The following ROBO3 variants were observed in gnomAD, a reference collection of about 807,000 sequenced individuals.
The protein encoded by ROBO3 is roundabout guidance receptor 3, also known as roundabout homolog 3.
A neutral mutation model predicts 160.5 loss-of-function variants in ROBO3; 97 were observed. That is an observed-to-expected ratio of 0.60 (90% CI 0.51 to 0.72). The LOEUF is 0.72. Among genes scored for constraint, ROBO3 ranks in the 30% least tolerant of loss-of-function variants. The pLI is 0.00. For synonymous variants in ROBO3, 780 were observed against 746.2 expected (o/e 1.05, Z -0.74); for missense variants, 1,858 against 1,846.5 (o/e 1.01, Z -0.11).
intron 20 of ROBO3, 82 bp from the exon 21 acceptor site, chr11:124,877,855 G>A (rs1946435350): frequency 2.5e-6 from 3 of 1,214,646 alleles, no homozygotes; most frequent in South Asian, 1.3e-5. Flanking sequence ...AGTTGATCCC[G>A]TGGGATTTCC....
intron 1 of ROBO3, among the ~76,000 whole-genome samples, chr11:124,868,204 A>C (rs1311867209): frequency 6.6e-6 from 1 of 152,220 alleles, no homozygotes; most frequent in Non-Finnish European, 1.5e-5. Flanking sequence ...CCGGGGTGTC[A>C]GTAAGAAGGG....
chr11:124,868,625 C>G, intron 1 of ROBO3, 177 bp from the exon 2 acceptor site: 1 of 730,096 alleles, frequency 1.4e-6, no homozygotes, highest in Admixed American at 2.0e-5. Flanking sequence ...GAACGCGGAA[C>G]GTCTGCCAAT....
Position 124,865,622 on chromosome 11 carries a change from C to T in ROBO3, c.45C>T (p.Phe15=). The T allele has an allele frequency of 6.2e-7, 1 of 1,612,934 alleles. No homozygotes were observed. Among genetic ancestry groups the T allele is most frequent in the South Asian group, 1.1e-5 (1 of 90,872 alleles). ...AAACGCTGCTGCAGATGAACTTGTT[C>T]GCGGACTCTCTGGCCGGGGACATCT... ...LLKTLLQMNL[F]ADSLAGDISN... The change falls in exon 1 of 28, where the codon TTC becomes TTT. Residue 15 remains phenylalanine, a synonymous_variant. Coordinates refer to ENST00000397801, the MANE Select transcript of ROBO3 (RefSeq NM_022370.4). The surrounding 1 kb of genome is among the most constrained non-coding windows in gnomAD (Gnocchi z 5.5).
chr11:124,869,429 G>GGGC lies in ROBO3; in HGVS notation c.488-21_488-20insGGC. 7.7e-7 allele frequency: 1 copy of GGGC among 1,295,758 alleles called. No homozygotes were observed. The highest frequency in any genetic ancestry group is 1.1e-6 in the Non-Finnish European group (1 of 929,938). 80.3% of individuals were successfully genotyped at this position (1,295,758 alleles called of 1,614,324 possible). A position where few individuals can be genotyped will look rare whatever the true frequency, so the allele number is the denominator to read the frequency against. On this transcript the variant is annotated intron_variant, in intron 2 of 27. Transcript: ENST00000397801. This position sits in a 1 kb window ranked among gnomAD's most constrained non-coding sequence, Gnocchi z 4.2. Reference sequence around the variant, plus strand: ...TGTCACTCTACACCCTGCTTATTTCGCCCCCCACCGCCCCGCCCAGTCCTC... The same window carrying GGGC: ...TGTCACTCTACACCCTGCTTATTTCGGGCCCCCCCACCGCCCCGCCCAGTCCTC...
rs558554023 is a variant in ROBO3 at position 124,880,711 on chromosome 11, G to A, written c.4149+103G>A. ...GGTGGGCAAGGGCTTGTGGAGGAGT[G>A]TCAAAAGGAGGGGATCGAGAGGGTG... On this transcript the variant is annotated intron_variant, in intron 27 of 27. Transcript: ENST00000397801. 6.3e-4 allele frequency: 897 copies of A among 1,420,168 alleles called. 18 individuals carry two copies. In the South Asian group the frequency reaches 0.013, roughly 20 times the overall value. The allele number at this position is 1,420,168 out of a possible 1,614,324, so 88.0% of individuals were successfully genotyped here.
intron 1 of ROBO3, 167 bp from the exon 2 acceptor site, chr11:124,868,635 T>A (rs1378791734): frequency 1.3e-5 from 10 of 757,796 alleles, no homozygotes; most frequent in Non-Finnish European, 2.1e-5. Flanking sequence ...CGTCTGCCAA[T>A]AAGGACATAT....
rs996784724 is a variant in ROBO3 at position 124,876,829 on chromosome 11, C to T, written c.2780-332C>T. ...CCAGGATCCCAGGCAGTAAATTGTG[C>T]GGCGGGGTCTGGATGGAAAGGCGGG... is the stretch of plus-strand genomic sequence containing the variant. On this transcript the variant is annotated intron_variant, in intron 17 of 27. Transcript: ENST00000397801. The surrounding 1 kb of genome is among the most constrained non-coding windows in gnomAD (Gnocchi z 5.3). 3.7e-6 allele frequency: 2 copies of T among 537,926 alleles called. No individual in the cohort carries two copies. Among genetic ancestry groups the T allele is most frequent in the Non-Finnish European group, 6.6e-6 (2 of 302,514 alleles). The allele number at this position is 537,926 out of a possible 1,614,324, so 33.3% of individuals were successfully genotyped here. A position where few individuals can be genotyped will look rare whatever the true frequency, so the allele number is the denominator to read the frequency against.
chr11:124,870,496 G>A (rs1256367544), intron 5 of ROBO3, 105 bp from the exon 6 acceptor site: 3 of 1,556,154 alleles, frequency 1.9e-6, no homozygotes, highest in East Asian at 4.7e-5. Flanking sequence ...TGTCCCTGCT[G>A]GGTCCTGCCT....
In ROBO3 at chr11:124,872,162, C is replaced by T. The variant is rs531910657; in HGVS notation, c.1159-219C>T. Among the ~76,000 whole-genome samples, 3 of 152,336 alleles carry T rather than the reference C, an allele frequency of 2.0e-5. No individual in the cohort carries two copies. The highest frequency in any genetic ancestry group is 6.5e-5 in the Admixed American group (1 of 15,306). On this transcript the variant is annotated intron_variant, in intron 7 of 27. Coordinates refer to ENST00000397801, the MANE Select transcript of ROBO3 (RefSeq NM_022370.4). This position sits in a 1 kb window ranked among gnomAD's most constrained non-coding sequence, Gnocchi z 4.3. ...GTTCAGGGTTTCCCCACTAGTAAGT[C>T]ACGGAGCTGGGAAGTAGACTCTGAA... is the stretch of plus-strand genomic sequence containing the variant.
chr11:124,879,772 CAGCTCCCT>C lies in ROBO3; in HGVS notation c.3797-14_3797-7del. ...GAGTGGCAGGAGGCTCCGCTGAAAA[CAGCTCCCT>C]CCCCAGACTTGCCCCCACCACCCTT... On this transcript the variant is annotated splice_region_variant and splice_polypyrimidine_tract_variant and intron_variant, in intron 25 of 27. Transcript: ENST00000397801. 6.2e-7 allele frequency: 1 copy of C among 1,605,750 alleles called. No homozygotes were observed. Among genetic ancestry groups the C allele is most frequent in the Non-Finnish European group, 8.5e-7 (1 of 1,176,750 alleles).
In ROBO3 at chr11:124,881,298, G is replaced by A. The variant is rs1946577638; in HGVS notation, c.*48G>A. ...ATCATGAGTGCCACGGGGAAGGGGA[G>A]TAGGGATGTCTTTTCCCCCCCAGCA... On this transcript the variant is annotated 3_prime_UTR_variant, in exon 28 of 28. Transcript: ENST00000397801. 1 of 1,566,094 alleles carries A rather than the reference G, an allele frequency of 6.4e-7. No homozygotes were observed.
In ROBO3 at chr11:124,877,950, C is replaced by T. The variant is rs1211777449; in HGVS notation, c.3000C>T (p.Ser1000=). ...TCTTCTCTGCAGAAGCGGGAATCTC[C>T]CTGTATCTAGCTCAGACGGCCAGGG... ...DDRYYNEAGI[S]LYLAQTARGT... Residue 1000 remains serine, a synonymous_variant, in exon 21 of 28, where the codon TCC becomes TCT. Coordinates refer to ENST00000397801, the MANE Select transcript of ROBO3 (RefSeq NM_022370.4). 1 of 1,605,464 alleles carries T rather than the reference C, an allele frequency of 6.2e-7. No individual in the cohort carries two copies. The highest frequency in any genetic ancestry group is 1.3e-5 in the African/African-American group (1 of 74,880).
Position 124,874,097 on chromosome 11 carries a change from T to C in ROBO3, c.1812T>C (p.Thr604=). The C allele has an allele frequency of 6.2e-7, 1 of 1,614,006 alleles. No homozygotes were observed. Among genetic ancestry groups the C allele is most frequent in the Non-Finnish European group, 8.5e-7 (1 of 1,179,896 alleles). ...CAGCAGCTGGCAACACATGGCGTAC[T>C]GTGGCAGATGGCGTGCAGCTGGAGA... The part of the protein sequence containing the change: ...FSPAAGNTWR[T]VADGVQLETH... The change falls in exon 12 of 28, where the codon ACT becomes ACC. Residue 604 remains threonine (T), a synonymous_variant. Coordinates refer to ENST00000397801, the MANE Select transcript of ROBO3 (RefSeq NM_022370.4).
chr11:124,872,866 A>C lies in ROBO3; in HGVS notation c.1331-18A>C. The C allele has an allele frequency of 1.3e-6, 2 of 1,572,246 alleles. No homozygotes were observed. The highest frequency in any genetic ancestry group is 1.7e-6 in the Non-Finnish European group (2 of 1,159,630). On this transcript the variant is annotated intron_variant, in intron 8 of 27. Coordinates refer to ENST00000397801, the MANE Select transcript of ROBO3 (RefSeq NM_022370.4). This position sits in a 1 kb window ranked among gnomAD's most constrained non-coding sequence, Gnocchi z 4.3. Reference sequence around the variant, plus strand: ...CCTAAGCTCCTCCCCTGAGGTGCACACGTTCTTCCTCTCTCAGCCTCTTTG... The same window carrying C: ...CCTAAGCTCCTCCCCTGAGGTGCACCCGTTCTTCCTCTCTCAGCCTCTTTG...
In ROBO3 at chr11:124,879,820, A is replaced by C. The variant is rs764619560; in HGVS notation, c.3830A>C (p.Glu1277Ala). 2 of 1,613,854 alleles carry C rather than the reference A, an allele frequency of 1.2e-6. No individual in the cohort carries two copies. Among genetic ancestry groups the C allele is most frequent in the Non-Finnish European group, 1.7e-6 (2 of 1,179,842 alleles). The change falls in exon 26 of 28, where the codon GAA becomes GCA. Residue 1277 changes from glutamate (E) to alanine (A), a missense_variant. Glu to Ala is a moderately radical substitution (Grantham distance 107). Coordinates refer to ENST00000397801, the MANE Select transcript of ROBO3 (RefSeq NM_022370.4). ...LPPPPLPPPE[E>A]EASWALELRA... ...CCACCACCCTTGCCACCGCCAGAGGAAGAGGCGAGCTGGGCCCTAGAGCTG... is the reference window on the plus strand; with the variant it reads ...CCACCACCCTTGCCACCGCCAGAGGCAGAGGCGAGCTGGGCCCTAGAGCTG...
In ROBO3 at chr11:124,876,436, C is replaced by A. The variant is rs1946376092; in HGVS notation, c.2755C>A (p.Arg919Ser). The change falls in exon 17 of 28, where the codon CGC (arginine) becomes AGC (serine). Residue 919 changes from arginine to serine, a missense_variant. Physicochemically the swap from Arg to Ser is moderately radical, Grantham distance 110. Coordinates refer to ENST00000397801, the MANE Select transcript of ROBO3 (RefSeq NM_022370.4). The surrounding 1 kb of genome is among the most constrained non-coding windows in gnomAD (Gnocchi z 5.3). ...CAALYWRRKQRKELSHYTASF... is the reference protein window; with the variant it reads ...CAALYWRRKQSKELSHYTASF... ...CGCCCTCTACTGGCGCCGGAAACAG[C>A]GCAAAGAGCTCAGCCACTACACGGG... 4.2e-6 allele frequency: 6 copies of A among 1,444,286 alleles called. No homozygotes were observed. The highest frequency in any genetic ancestry group is 5.4e-6 in the Non-Finnish European group (6 of 1,104,474). The allele number at this position is 1,444,286 out of a possible 1,614,324, so 89.5% of individuals were successfully genotyped here.
rs754982896 is a variant in ROBO3 at position 124,877,623 on chromosome 11, C to A, written c.2951C>A (p.Pro984His). Residue 984 changes from proline to histidine, a missense_variant, in exon 20 of 28, where the codon CCT becomes CAT. Pro to His is a moderately conservative substitution (Grantham distance 77, BLOSUM62 -2). Coordinates refer to ENST00000397801, the MANE Select transcript of ROBO3 (RefSeq NM_022370.4). ...SAQEPRGSCCPSNPDPDDRYY... is the reference protein window; with the variant it reads ...SAQEPRGSCCHSNPDPDDRYY... ...CAGGAACCCAGGGGAAGCTGCTGCC[C>A]TAGCAATCCTGACCCGGACGACAGA... The A allele has an allele frequency of 1.9e-6, 3 of 1,610,474 alleles. No individual in the cohort carries two copies. In the African/African-American group the frequency reaches 4.0e-5, roughly 22 times the overall value.
rs1454517431 is a variant in ROBO3, at chr11:124,865,786, T to C, written c.160+49T>C. 6.5e-6 allele frequency: 10 copies of C among 1,540,584 alleles called. No homozygotes were observed. The South Asian group carries it at 1.2e-4, about 19-fold the overall frequency. On this transcript the variant is annotated intron_variant, in intron 1 of 27. Coordinates refer to ENST00000397801, the MANE Select transcript of ROBO3 (RefSeq NM_022370.4). The surrounding 1 kb of genome is among the most constrained non-coding windows in gnomAD (Gnocchi z 5.5). Reference sequence around the variant, plus strand: ...ATGGGATCCTGGGATGGGGATGAGGTGAGAGGGCGGCGTGGAAGGGAAGGA... The same window carrying C: ...ATGGGATCCTGGGATGGGGATGAGGCGAGAGGGCGGCGTGGAAGGGAAGGA...
chr11:124,871,215 C>G lies in ROBO3; in HGVS notation c.1158+77C>G. 3 of 1,489,294 alleles carry G rather than the reference C, an allele frequency of 2.0e-6. No individual in the cohort carries two copies. In the Admixed American group the frequency reaches 6.1e-5, roughly 30 times the overall value. The allele number at this position is 1,489,294 out of a possible 1,614,324, so 92.3% of individuals were successfully genotyped here. On this transcript the variant is annotated intron_variant, in intron 7 of 27. Coordinates refer to ENST00000397801, the MANE Select transcript of ROBO3 (RefSeq NM_022370.4). ...CCTCCCTCCCTCTACATTCTGCAAA[C>G]TTCTCTCTGGGGCTTCTGTTTTATC...
Sources: allele counts gnomAD v4.1 joint callset (sites outside exome capture counted in the v4.1 genomes callset), GRCh38; gene constraint gnomAD v4.1.1; non-coding constraint Gnocchi (gnomAD v3.1); transcripts MANE v1.5; gene names NCBI Gene and HGNC (gene_info 2026-07-23, HGNC 2026-07-21).